Variants in NDUFA3 observed in about 807,000 individuals in gnomAD.
The protein encoded by NDUFA3 is NADH dehydrogenase [ubiquinone] 1 alpha subcomplex subunit 3.
In NDUFA3, 10 loss-of-function variants were observed where a neutral mutation model predicts 11.4. The observed-to-expected ratio is 0.87, with a 90% CI of 0.54 to 1.48. The LOEUF is 1.48. NDUFA3 is among the 40% of genes most tolerant of loss of function. NDUFA3 has a pLI of 0.00. For synonymous variants in NDUFA3, 39 were observed against 46.9 expected (o/e 0.83, Z 0.68); for missense variants, 115 against 110.5 (o/e 1.04, Z -0.18).
rs1363809810 is a variant in NDUFA3 at position 54,107,025 on chromosome 19, G to A, written c.*123G>A. 1 of 1,611,744 alleles carries A rather than the reference G, an allele frequency of 6.2e-7. No homozygotes were observed. The highest frequency in any genetic ancestry group is 1.7e-5 in the Admixed American group (1 of 59,506). On this transcript the variant is annotated 3_prime_UTR_variant, in exon 4 of 4. Transcript: ENST00000485876. The stretch of plus-strand genomic sequence containing the variant: ...CAAGTAGACGGTGGCCGGGGTGAGT[G>A]TGGGGTCAGTTTATTGGGCATGCGT...
At chr19:54,106,754 TTC>T (rs1254156761) in intron 3 of NDUFA3, 55 bp from the exon 4 acceptor site, 1 of 1,429,928 alleles carries the variant, frequency 7.0e-7, no homozygotes, top group Non-Finnish European at 9.4e-7. Flanking sequence ...AGACCAGCTC[TTC>T]TCTCCAGGGC....
At chr19:54,104,370 G>T (rs1226801369) in intron 2 of NDUFA3, among the ~76,000 whole-genome samples, 1 of 149,868 alleles carries the variant, frequency 6.7e-6, no homozygotes, top group Admixed American at 6.6e-5. Context: ...ACTCCTGACC[G>T]CAAGTGATCT....
intron 3 of NDUFA3, chr19:54,106,247 G>A: frequency 1.8e-6 from 1 of 543,562 alleles, no homozygotes; most frequent in East Asian, 3.2e-5. Context: ...CGCCAAGGCT[G>A]GAGTGCAGTG....
intron 2 of NDUFA3, among the ~76,000 whole-genome samples, chr19:54,103,683 T>C (rs2073163212): frequency 6.6e-6 from 1 of 151,520 alleles, no homozygotes; most frequent in Admixed American, 6.6e-5. Context: ...ATTGTTAAAA[T>C]GTAGCTTTTT....
At chr19:54,103,872 C>T (rs1358175877) in intron 2 of NDUFA3, among the ~76,000 whole-genome samples, 5 of 151,572 alleles carry the variant, frequency 3.3e-5, no homozygotes, top group African/African-American at 9.7e-5. Context: ...CTCGCTCTGT[C>T]GCCCAGGCTG....
At position 54,107,311 on chromosome 19, in the gene NDUFA3, C is replaced by A; in HGVS notation, c.*409C>A. 8.8e-7 allele frequency: 1 copy of A among 1,132,828 alleles called. No homozygotes were observed. The highest frequency in any genetic ancestry group is 1.3e-6 in the Non-Finnish European group (1 of 799,190). The allele number at this position is 1,132,828 out of a possible 1,614,324, so 70.2% of individuals were successfully genotyped here. On this transcript the variant is annotated 3_prime_UTR_variant, in exon 4 of 4. Coordinates refer to ENST00000485876, the MANE Select transcript of NDUFA3 (RefSeq NM_004542.4). ...TTGCCCAGGCTGGAGTGCAGTGGTG[C>A]CATCATAGTTCACTGCAGCCTCTGC...
intron 2 of NDUFA3, 76 bp from the exon 3 acceptor site, chr19:54,105,858 T>G: frequency 7.6e-7 from 1 of 1,319,878 alleles, no homozygotes; most frequent in Non-Finnish European, 1.1e-6. Context: ...TATCTTCCCT[T>G]TGCCAAGGCT....
In NDUFA3 at chr19:54,107,106, G is replaced by A. The variant is rs763875464; in HGVS notation, c.*204G>A. The A allele has an allele frequency of 3.5e-5, 57 of 1,613,734 alleles. No homozygotes were observed. Among genetic ancestry groups the A allele is most frequent in the Non-Finnish European group, 4.8e-5 (57 of 1,179,986 alleles). ...TAGGGCAGCAGTTTGTCTGGACCCC[G>A]AGAAACCCAACTGGAATCCAGGGCC... On this transcript the variant is annotated 3_prime_UTR_variant, in exon 4 of 4. Transcript: ENST00000485876.
chr19:54,105,698 G>GT (rs2073236780), intron 2 of NDUFA3: 2 of 689,068 alleles, frequency 2.9e-6, no homozygotes, highest in Non-Finnish European at 5.4e-6. Flanking sequence ...CAGGCCCCAC[G>GT]TATCTGTGAG....
intron 2 of NDUFA3, among the ~76,000 whole-genome samples, chr19:54,103,486 C>T (rs1399652749): frequency 1.3e-5 from 2 of 152,162 alleles, no homozygotes; most frequent in Admixed American, 1.3e-4. Context: ...TCCTTTTCAT[C>T]TTTCCTCTCC....
chr19:54,105,982 T>C lies in NDUFA3; in HGVS notation c.134T>C (p.Ile45Thr). The change falls in exon 3 of 4, where the codon ATC (isoleucine) becomes ACC (threonine). Residue 45 changes from isoleucine to threonine, a missense_variant. Coordinates refer to ENST00000485876, the MANE Select transcript of NDUFA3 (RefSeq NM_004542.4). The stretch of plus-strand genomic sequence containing the variant: ...CCCTACTTCAAGTACTCCGTCATGA[T>C]CAACAAGGCCACGCCCTACAACTAC... The part of the protein sequence containing the change: ...LSPYFKYSVM[I>T]NKATPYNYPV... The C allele has an allele frequency of 6.2e-7, 1 of 1,613,866 alleles. No individual in the cohort carries two copies. The highest frequency in any genetic ancestry group is 1.3e-5 in the African/African-American group (1 of 74,996).
chr19:54,106,765 G>A, intron 3 of NDUFA3, 46 bp from the exon 4 acceptor site: 2 of 1,516,240 alleles, frequency 1.3e-6, no homozygotes, highest in Non-Finnish European at 8.9e-7. Flanking sequence ...TCTCTCCAGG[G>A]CCCTGGAGAC....
In NDUFA3 at chr19:54,103,201, T is replaced by C; in HGVS notation, c.85+13T>C. ...GTCGGGGGCCTCGGTGCGTGAGTGC[T>C]CCAGGCGCAAACTTGCATCGTCCAC... On this transcript the variant is annotated intron_variant, in intron 2 of 3. Coordinates refer to ENST00000485876, the MANE Select transcript of NDUFA3 (RefSeq NM_004542.4). The C allele has an allele frequency of 6.3e-7, 1 of 1,583,362 alleles. No homozygotes were observed. Among genetic ancestry groups the C allele is most frequent in the Non-Finnish European group, 8.6e-7 (1 of 1,161,144 alleles).
chr19:54,105,837 C>G (rs947609679), intron 2 of NDUFA3, 97 bp from the exon 3 acceptor site: 89 of 1,028,056 alleles, frequency 8.7e-5, no homozygotes, highest in Middle Eastern at 2.1e-4. Context: ...CTGCCCTCCC[C>G]CTGCGCACTT....
chr19:54,106,846 C>T lies in NDUFA3; in HGVS notation c.199C>T (p.Pro67Ser), dbSNP rs925773792. ...TGATGATGGGAACATGCCCGACGTG[C>T]CCAGCCACCCCCAGGACCCTCAGGG... ...VRDDGNMPDV[P>S]SHPQDPQGPS... Residue 67 changes from proline (P) to serine (S), a missense_variant, in exon 4 of 4, where the codon CCC becomes TCC. Physicochemically the swap from Pro to Ser is moderately conservative, Grantham distance 74 (BLOSUM62 -1). Coordinates refer to ENST00000485876, the MANE Select transcript of NDUFA3 (RefSeq NM_004542.4). The T allele has an allele frequency of 3.7e-6, 6 of 1,613,588 alleles. No homozygotes were observed. The African/African-American group carries it at 6.7e-5, about 18-fold the overall frequency.
chr19:54,106,062 C>T, intron 3 of NDUFA3, 51 bp downstream of exon 3: 3 of 1,534,594 alleles, frequency 2.0e-6, no homozygotes, highest in Non-Finnish European at 2.7e-6. Flanking sequence ...CCTCCCTGTG[C>T]TGGCGTAAGG....
Position 54,105,957 on chromosome 19 carries a change from C to T in NDUFA3, c.109C>T (p.Pro37Ser). The T allele has an allele frequency of 6.2e-7, 1 of 1,613,794 alleles. No individual in the cohort carries two copies. Among genetic ancestry groups the T allele is most frequent in the Non-Finnish European group, 8.5e-7 (1 of 1,179,752 alleles). Reference protein sequence around the residue: ...GLAVILPPLSPYFKYSVMINK... With the variant: ...GLAVILPPLSSYFKYSVMINK... ...AGCTGTAATTCTGCCCCCATTGAGC[C>T]CCTACTTCAAGTACTCCGTCATGAT... Residue 37 changes from proline (P) to serine (S), a missense_variant, in exon 3 of 4, where the codon CCC (proline) becomes TCC (serine). Transcript: ENST00000485876.
intron 3 of NDUFA3, 145 bp downstream of exon 3, chr19:54,106,156 G>A (rs1448045926): frequency 2.7e-6 from 2 of 734,810 alleles, no homozygotes; most frequent in East Asian, 2.7e-5. Context: ...TTTAAGAATT[G>A]AGATATAATT....
In NDUFA3 at chr19:54,107,077, C is replaced by T. The variant is rs1332096855; in HGVS notation, c.*175C>T. The T allele has an allele frequency of 2.8e-5, 45 of 1,613,652 alleles. No individual in the cohort carries two copies. Among genetic ancestry groups the T allele is most frequent in the Middle Eastern group, 1.6e-4 (1 of 6,084 alleles). On this transcript the variant is annotated 3_prime_UTR_variant, in exon 4 of 4. Coordinates refer to ENST00000485876, the MANE Select transcript of NDUFA3 (RefSeq NM_004542.4). ...AGTCAGAGGCTGGGCTGGCCAGGGTCGGGTAGGGCAGCAGTTTGTCTGGAC... is the reference window on the plus strand; with the variant it reads ...AGTCAGAGGCTGGGCTGGCCAGGGTTGGGTAGGGCAGCAGTTTGTCTGGAC...
Sources: allele counts gnomAD v4.1 joint callset (sites outside exome capture counted in the v4.1 genomes callset), GRCh38; gene constraint gnomAD v4.1.1; transcripts MANE v1.5; gene names NCBI Gene and HGNC (gene_info 2026-07-23, HGNC 2026-07-21).